GHR: variants seen among roughly 807,000 people sequenced by gnomAD.
GHR encodes GH receptor.
Under a neutral mutation model 67.1 loss-of-function variants are expected in GHR, and 35 were observed. The observed-to-expected ratio is 0.52, with a 90% confidence interval of 0.40 to 0.69. GHR has a LOEUF of 0.69. GHR is among the 30% of genes least tolerant of loss of function. GHR has a pLI of 0.00. For synonymous variants in GHR, 272 were observed against 269.1 expected (o/e 1.01, Z -0.10); for missense variants, 792 against 764.6 (o/e 1.04, Z -0.42).
chr5:42,619,854 T>A (rs1363022719), intron 2 of GHR: 1 of 152,146 alleles, frequency 6.6e-6, no homozygotes. Flanking sequence ...TCTGACATGC[T>A]GAATTGCACC....
At chr5:42,594,585 T>G (rs1277093718) in intron 2 of GHR, among the ~76,000 whole-genome samples, 3 of 152,228 alleles carry the variant, frequency 2.0e-5, no homozygotes, top group Non-Finnish European at 2.9e-5. Flanking sequence ...CAGTGCCAAC[T>G]GTGGACTCTC....
Position 42,542,941 on chromosome 5 carries a change from C to T in GHR, c.-11-22923C>T, listed in dbSNP as rs774796623. Among the ~76,000 whole-genome samples the T allele has an allele frequency of 3.3e-5, 5 of 152,104 alleles. No homozygotes were observed. In the East Asian group the frequency reaches 9.6e-4, roughly 29 times the overall value. ...TAGAATAGTGGCCTCCAGCTCCATC[C>T]AAGTTGCTGCAAAAGACATTATTTC... On this transcript the variant is annotated intron_variant, in intron 1 of 9. Transcript: ENST00000230882.
intron 3 of GHR, among the ~76,000 whole-genome samples, chr5:42,645,174 G>T (rs1206694676): frequency 2.0e-5 from 3 of 152,152 alleles, no homozygotes; most frequent in African/African-American, 7.2e-5. Context: ...TGAAATACTT[G>T]CTTTCCAGTG....
chr5:42,599,775 A>G (rs1752273618), intron 2 of GHR, among the ~76,000 whole-genome samples: 1 of 151,836 alleles, frequency 6.6e-6, no homozygotes, highest in Non-Finnish European at 1.5e-5. Context: ...CTTTTTTTTT[A>G]TTGTCCCAAT....
chr5:42,552,536 A>T (rs890883598), intron 1 of GHR, among the ~76,000 whole-genome samples: 10 of 152,208 alleles, frequency 6.6e-5, no homozygotes, highest in African/African-American at 9.6e-5. Context: ...AAAAATTTTT[A>T]AAAATAAATA....
intron 1 of GHR, among the ~76,000 whole-genome samples, chr5:42,463,952 C>T (rs552904585): frequency 1.0e-3 from 138 of 135,170 alleles, no homozygotes; most frequent in African/African-American, 3.7e-3. Flanking sequence ...GAGATCCCGC[C>T]ACTGCACTCC....
At position 42,523,623 on chromosome 5, in the gene GHR, C is replaced by T. The variant is rs78873347; in HGVS notation, c.-11-42241C>T. On this transcript the variant is annotated intron_variant, in intron 1 of 9. Coordinates refer to ENST00000230882, the MANE Select transcript of GHR (RefSeq NM_000163.5). The stretch of plus-strand genomic sequence containing the variant: ...CTTCACTGAATGGCTCTTCCCCTAT[C>T]TCTCTCCCTCTCCTCTGGCTTCCCT... Among the ~76,000 whole-genome samples, 778 of 152,216 alleles carry T rather than the reference C, an allele frequency of 5.1e-3. 5 individuals are homozygous for T. The highest frequency in any genetic ancestry group is 0.018 in the African/African-American group (747 of 41,524).
At chr5:42,640,370 G>A (rs1038171538) in intron 3 of GHR, among the ~76,000 whole-genome samples, 10 of 152,120 alleles carry the variant, frequency 6.6e-5, no homozygotes, top group African/African-American at 9.7e-5. Flanking sequence ...TGTGAGGAGC[G>A]AGTAGGAACA....
intron 1 of GHR, among the ~76,000 whole-genome samples, chr5:42,473,112 G>A (rs955969082): frequency 3.3e-5 from 5 of 152,194 alleles, no homozygotes; most frequent in Non-Finnish European, 7.3e-5. Flanking sequence ...TTATAAGTCT[G>A]TGTTGGGTGT....
At position 42,479,266 on chromosome 5, in the gene GHR, G is replaced by A. The variant is rs913275807; in HGVS notation, c.-12+55311G>A. Among the ~76,000 whole-genome samples the A allele has an allele frequency of 9.8e-5, 15 of 152,300 alleles. 1 individual carries two copies. The highest frequency in any genetic ancestry group is 3.6e-4 in the African/African-American group (15 of 41,564). On this transcript the variant is annotated intron_variant, in intron 1 of 9. Transcript: ENST00000230882. ...GATCATGGTGGATAAGCTTTTTGAT[G>A]TGCTGCTGGATTCGGTTTGCCAGTA...
chr5:42,664,833 G>T (rs1366640814), intron 3 of GHR, among the ~76,000 whole-genome samples: 1 of 151,992 alleles, frequency 6.6e-6, no homozygotes, highest in Non-Finnish European at 1.5e-5. Flanking sequence ...GAAAATTTTC[G>T]CAACCTACTC....
At chr5:42,526,910 A>C (rs1579872302) in intron 1 of GHR, among the ~76,000 whole-genome samples, 1 of 152,298 alleles carries the variant, frequency 6.6e-6, no homozygotes, top group South Asian at 2.1e-4. Context: ...ATAAGCCAGA[A>C]GAGATTGGGG....
At chr5:42,563,522 G>A (rs2112466762) in intron 1 of GHR, among the ~76,000 whole-genome samples, 1 of 151,208 alleles carries the variant, frequency 6.6e-6, no homozygotes. Context: ...GGAGGCTGAG[G>A]CAGGAGAATG....
intron 3 of GHR, among the ~76,000 whole-genome samples, chr5:42,680,896 G>T (rs778638968): frequency 1.3e-5 from 2 of 151,686 alleles, no homozygotes; most frequent in Non-Finnish European, 1.5e-5. Context: ...TGTGCACAAC[G>T]TGCAGATTTG....
chr5:42,599,577 T>A (rs1314561978), intron 2 of GHR, among the ~76,000 whole-genome samples: 1 of 151,948 alleles, frequency 6.6e-6, no homozygotes, highest in Non-Finnish European at 1.5e-5. Flanking sequence ...GCCAGGCTGG[T>A]CTTGAACTCC....
In GHR at chr5:42,699,878, C is replaced by T. The variant is rs1447244474; in HGVS notation, c.494C>T (p.Thr165Ile). The T allele has an allele frequency of 6.2e-7, 1 of 1,609,516 alleles. No individual in the cohort carries two copies. The highest frequency in any genetic ancestry group is 8.5e-7 in the Non-Finnish European group (1 of 1,176,002). The change falls in exon 6 of 10, where the codon ACT becomes ATT. Residue 165 changes from threonine to isoleucine, a missense_variant. Thr to Ile is a moderately conservative substitution (Grantham distance 89). Transcript: ENST00000230882. ...LNWTLLNVSL[T>I]GIHADIQVRW... ...TGGACTTTACTGAACGTCAGTTTAA[C>T]TGGGATTCATGCAGATATCCAAGTG... is the stretch of plus-strand genomic sequence containing the variant.
At chr5:42,602,581 TC>T (rs1752432135) in intron 2 of GHR, among the ~76,000 whole-genome samples, 2 of 152,218 alleles carry the variant, frequency 1.3e-5, no homozygotes, top group African/African-American at 4.8e-5. Flanking sequence ...TGTTTATAAT[TC>T]TTTTTTCTCT....
At chr5:42,557,796 C>G (rs1033362602) in intron 1 of GHR, among the ~76,000 whole-genome samples, 3 of 152,194 alleles carry the variant, frequency 2.0e-5, no homozygotes, top group African/African-American at 7.2e-5. Context: ...GCCAGTGGAT[C>G]AGATGTCATC....
At chr5:42,622,821 G>A (rs991876018) in intron 2 of GHR, among the ~76,000 whole-genome samples, 1 of 152,072 alleles carries the variant, frequency 6.6e-6, no homozygotes, top group Non-Finnish European at 1.5e-5. Context: ...TTAGTCTCAG[G>A]ATGAATCATT....
Sources: allele counts gnomAD v4.1 joint callset (sites outside exome capture counted in the v4.1 genomes callset), GRCh38; gene constraint gnomAD v4.1.1; transcripts MANE v1.5; gene names NCBI Gene and HGNC (gene_info 2026-07-23, HGNC 2026-07-21).